IQCM: variants seen among roughly 807,000 people sequenced by gnomAD.
IQCM encodes IQ domain-containing protein M.
In IQCM, 45 loss-of-function variants were observed where a neutral mutation model predicts 57.6. The ratio of observed to expected loss-of-function variants is 0.78; its 90% CI spans 0.62 to 1.00. The LOEUF (loss-of-function observed/expected upper bound fraction) is 1.00. Among genes scored for constraint, IQCM ranks in the 50% least tolerant of loss-of-function variants. The probability of loss-of-function intolerance (pLI) is 0.00; values close to 1 mark genes in which losing one functional copy is unlikely to be tolerated. For synonymous variants in IQCM, 148 were observed against 158.9 expected (o/e 0.93, Z 0.51); for missense variants, 468 against 511.6 (o/e 0.91, Z 0.82).
intron 12 of IQCM, among the ~76,000 whole-genome samples, chr4:149,504,290 T>C (rs1342204919): frequency 6.6e-6 from 1 of 152,196 alleles, no homozygotes; most frequent in African/African-American, 2.4e-5. Flanking sequence ...CAATTCTATG[T>C]TAAAATTACT....
intron 12 of IQCM, among the ~76,000 whole-genome samples, chr4:149,542,478 A>G (rs1747948563): frequency 6.6e-6 from 1 of 152,086 alleles, no homozygotes; most frequent in African/African-American, 2.4e-5. Context: ...CCTTAACTTG[A>G]AGAGAGCAAA....
chr4:149,717,107 G>T (rs895320016), intron 5 of IQCM, among the ~76,000 whole-genome samples: 3 of 152,172 alleles, frequency 2.0e-5, no homozygotes, highest in African/African-American at 7.2e-5. Flanking sequence ...GTAAACTTAG[G>T]TAAGGTGTTT....
At chr4:149,473,242 T>C (rs1739783515) in intron 12 of IQCM, among the ~76,000 whole-genome samples, 1 of 152,048 alleles carries the variant, frequency 6.6e-6, no homozygotes, top group Admixed American at 6.6e-5. Context: ...AGGGCTAATA[T>C]CCAGAATCTA....
chr4:149,766,681 T>C (rs991051238), intron 2 of IQCM, among the ~76,000 whole-genome samples: 9 of 152,164 alleles, frequency 5.9e-5, no homozygotes, highest in African/African-American at 2.2e-4. Flanking sequence ...TCTATTATTG[T>C]ATTTCTATTA....
At chr4:149,417,291 C>A (rs1284058316) in intron 13 of IQCM, among the ~76,000 whole-genome samples, 1 of 152,092 alleles carries the variant, frequency 6.6e-6, no homozygotes, top group Non-Finnish European at 1.5e-5. Context: ...CCTTAAGAAT[C>A]CTTTAGAATT....
At chr4:149,442,215 T>C (rs1736011431) in intron 12 of IQCM, among the ~76,000 whole-genome samples, 1 of 152,128 alleles carries the variant, frequency 6.6e-6, no homozygotes, top group Non-Finnish European at 1.5e-5. Context: ...TTCTGAGGTA[T>C]CAGCAAAAGG....
intron 12 of IQCM, among the ~76,000 whole-genome samples, chr4:149,474,272 T>C (rs577967861): frequency 6.6e-6 from 1 of 151,454 alleles, no homozygotes; most frequent in South Asian, 2.1e-4. Flanking sequence ...GTAGTCAAAG[T>C]AGACATAACT....
chr4:149,411,299 G>C (rs1733367370), intron 13 of IQCM, among the ~76,000 whole-genome samples: 1 of 151,988 alleles, frequency 6.6e-6, no homozygotes, highest in African/African-American at 2.4e-5. Flanking sequence ...CAGTTCTGTT[G>C]CAGAAAACAG....
chr4:149,491,025 A>C (rs761061956), intron 12 of IQCM, among the ~76,000 whole-genome samples: 2 of 152,050 alleles, frequency 1.3e-5, no homozygotes, highest in Non-Finnish European at 2.9e-5. Flanking sequence ...AGTGGAACTG[A>C]TTATTGTCTT....
chr4:149,758,944 T>A (rs1769245613), intron 2 of IQCM, among the ~76,000 whole-genome samples: 1 of 149,696 alleles, frequency 6.7e-6, no homozygotes, highest in Non-Finnish European at 1.5e-5. Context: ...GCTATAGCAC[T>A]CCTTAGTATT....
intron 2 of IQCM, among the ~76,000 whole-genome samples, chr4:149,800,663 A>G (rs1201722640): frequency 1.3e-5 from 2 of 152,034 alleles, no homozygotes; most frequent in Admixed American, 6.6e-5. Context: ...ATATAAAGTC[A>G]ACACAGAAAA....
intron 13 of IQCM, among the ~76,000 whole-genome samples, chr4:149,355,649 C>G (rs1251366468): frequency 6.6e-6 from 1 of 152,062 alleles, no homozygotes; most frequent in South Asian, 2.1e-4. Flanking sequence ...ATCATTGTTG[C>G]ACATTTGGGT....
At chr4:149,468,438 G>A (rs1022949262) in intron 12 of IQCM, among the ~76,000 whole-genome samples, 4 of 152,164 alleles carry the variant, frequency 2.6e-5, no homozygotes, top group Non-Finnish European at 4.4e-5. Flanking sequence ...AGGGGCGTCC[G>A]CCATTGCTGA....
intron 13 of IQCM, among the ~76,000 whole-genome samples, chr4:149,388,325 C>T (rs947036418): frequency 2.6e-5 from 4 of 151,284 alleles, no homozygotes; most frequent in African/African-American, 9.7e-5. Flanking sequence ...TCCAATTTCT[C>T]CATATATTCA....
intron 13 of IQCM, among the ~76,000 whole-genome samples, chr4:149,353,871 G>C (rs1218213275): frequency 6.6e-6 from 1 of 152,034 alleles, no homozygotes; most frequent in Admixed American, 6.6e-5. Flanking sequence ...TCAACCTGAG[G>C]ACCACAGGCA....
intron 10 of IQCM, among the ~76,000 whole-genome samples, chr4:149,559,356 C>G (rs1503696): frequency 0.21 from 32,500 of 152,068 alleles, 4,350 homozygotes; most frequent in Non-Finnish European, 0.29. Flanking sequence ...AATCTGATTC[C>G]TACCTTCAGC....
chr4:149,406,095 G>A (rs554241297), intron 13 of IQCM, among the ~76,000 whole-genome samples: 2 of 151,672 alleles, frequency 1.3e-5, no homozygotes, highest in South Asian at 4.2e-4. Context: ...ACTCTCTTAA[G>A]AACCAAGTTT....
intron 2 of IQCM, among the ~76,000 whole-genome samples, chr4:149,796,092 T>C (rs1773085832): frequency 6.6e-6 from 1 of 151,950 alleles, no homozygotes; most frequent in African/African-American, 2.4e-5. Flanking sequence ...AAGGGTAGAG[T>C]ACCAAGTGGG....
chr4:149,497,044 G>A (rs72726114), intron 12 of IQCM, among the ~76,000 whole-genome samples: 32,967 of 152,108 alleles, frequency 0.22, 4,482 homozygotes, highest in Non-Finnish European at 0.29. Context: ...CTCTGCTGGA[G>A]GAAGAGAGAG....
Sources: gnomAD v4.1 joint callset for allele counts (sites outside exome capture counted in the v4.1 genomes callset) on GRCh38, gnomAD v4.1.1 for gene constraint, MANE v1.5 for transcripts, NCBI Gene and HGNC (gene_info 2026-07-23, HGNC 2026-07-21) for gene names.